The following LRRTM4 variants were observed in gnomAD, a reference collection of about 807,000 sequenced individuals.
The protein encoded by LRRTM4 is leucine rich repeat transmembrane neuronal 4.
A neutral mutation model predicts 47.6 loss-of-function variants in LRRTM4; 25 were observed. The ratio of observed to expected loss-of-function variants is 0.53; its 90% CI spans 0.38 to 0.73. The LOEUF is 0.73. LRRTM4 is among the 30% of genes least tolerant of loss of function. LRRTM4 has a pLI of 0.00. For missense variants in LRRTM4, 638 were observed against 713.4 expected, an observed-to-expected ratio of 0.89 and a Z score of 1.20; for synonymous variants, 311 against 269.5, an observed-to-expected ratio of 1.15 and a Z score of -1.51.
intron 3 of LRRTM4, among the ~76,000 whole-genome samples, chr2:77,469,375 A>AG (rs933946762): frequency 6.7e-5 from 10 of 149,704 alleles, no homozygotes; most frequent in Non-Finnish European, 1.0e-4. Context: ...AGAATGTGTC[A>AG]GGGGGGCAGG....
intron 3 of LRRTM4, among the ~76,000 whole-genome samples, chr2:76,816,734 G>C (rs72815476): frequency 4.7e-5 from 7 of 149,082 alleles, no homozygotes; most frequent in East Asian, 2.0e-4. Flanking sequence ...AAAGCTCCTC[G>C]AGCCTACCTT....
chr2:77,271,319 C>G (rs949433068), intron 3 of LRRTM4, among the ~76,000 whole-genome samples: 15 of 152,162 alleles, frequency 9.9e-5, no homozygotes, highest in African/African-American at 3.6e-4. Flanking sequence ...GCTAATACAC[C>G]ACCATCTATC....
At chr2:77,029,706 G>A (rs542462817) in intron 3 of LRRTM4, among the ~76,000 whole-genome samples, 7 of 152,270 alleles carry the variant, frequency 4.6e-5, no homozygotes, top group Middle Eastern at 3.4e-3. Context: ...ATGGTGATGC[G>A]AATTTCTGAA....
intron 3 of LRRTM4, among the ~76,000 whole-genome samples, chr2:77,317,965 T>C (rs1280681623): frequency 6.6e-6 from 1 of 151,596 alleles, no homozygotes; most frequent in Non-Finnish European, 1.5e-5. Context: ...ATTGTTTTTA[T>C]CTCTAAACCA....
intron 3 of LRRTM4, among the ~76,000 whole-genome samples, chr2:77,513,983 A>T (rs1385196312): frequency 6.6e-6 from 1 of 152,146 alleles, no homozygotes; most frequent in African/African-American, 2.4e-5. Flanking sequence ...GTCGTAAAAA[A>T]ATTTAATTAA....
At chr2:77,027,627 T>C (rs1185540927) in intron 3 of LRRTM4, among the ~76,000 whole-genome samples, 1 of 152,182 alleles carries the variant, frequency 6.6e-6, no homozygotes, top group Non-Finnish European at 1.5e-5. Context: ...CATAATGTGC[T>C]TTCTGAATCA....
intron 3 of LRRTM4, among the ~76,000 whole-genome samples, chr2:76,874,295 C>T (rs1463335063): frequency 6.6e-6 from 1 of 151,944 alleles, no homozygotes; most frequent in East Asian, 1.9e-4. Context: ...CTCCTAGCAC[C>T]TTGCTTTCAC....
chr2:76,875,917 A>G (rs890668156), intron 3 of LRRTM4, among the ~76,000 whole-genome samples: 1 of 152,130 alleles, frequency 6.6e-6, no homozygotes, highest in African/African-American at 2.4e-5. Flanking sequence ...TGTCTTCCAT[A>G]GAGAAGCACC....
intron 3 of LRRTM4, among the ~76,000 whole-genome samples, chr2:77,403,789 G>C (rs1032082598): frequency 6.6e-6 from 1 of 151,206 alleles, no homozygotes; most frequent in Non-Finnish European, 1.5e-5. Flanking sequence ...CCCTGTAATG[G>C]CCAATACTAA....
intron 3 of LRRTM4, among the ~76,000 whole-genome samples, chr2:76,927,122 G>C (rs966779371): frequency 1.3e-5 from 2 of 152,014 alleles, no homozygotes; most frequent in African/African-American, 2.4e-5. Context: ...TCATGCATTT[G>C]GTGTGGATCT....
chr2:76,816,862 T>TG (rs1670916265), intron 3 of LRRTM4, among the ~76,000 whole-genome samples: 9 of 126,432 alleles, frequency 7.1e-5, no homozygotes, highest in Non-Finnish European at 1.3e-4. Flanking sequence ...TTTTTTTTTT[T>TG]GGTGCTTAAG....
At chr2:77,092,909 C>T (rs1200551756) in intron 3 of LRRTM4, among the ~76,000 whole-genome samples, 1 of 147,156 alleles carries the variant, frequency 6.8e-6, no homozygotes, top group Non-Finnish European at 1.5e-5. Context: ...CTTTTAAAAA[C>T]ACACCTCACC....
intron 3 of LRRTM4, among the ~76,000 whole-genome samples, chr2:76,839,556 C>T (rs1179475448): frequency 6.6e-6 from 1 of 151,998 alleles, no homozygotes; most frequent in African/African-American, 2.4e-5. Context: ...AGCCAACCTG[C>T]TAGCTCATTT....
chr2:76,981,406 A>G (rs1278061275), intron 3 of LRRTM4, among the ~76,000 whole-genome samples: 3 of 152,156 alleles, frequency 2.0e-5, no homozygotes, highest in African/African-American at 7.2e-5. Context: ...TACATCTGCC[A>G]TGGCAGAGAC....
At chr2:76,890,792 T>C (rs1673226666) in intron 3 of LRRTM4, among the ~76,000 whole-genome samples, 1 of 151,942 alleles carries the variant, frequency 6.6e-6, no homozygotes, top group South Asian at 2.1e-4. Context: ...GTTTAATTCA[T>C]ACAGAACTAA....
chr2:77,463,801 T>C (rs761453062), intron 3 of LRRTM4, among the ~76,000 whole-genome samples: 1 of 152,120 alleles, frequency 6.6e-6, no homozygotes, highest in Non-Finnish European at 1.5e-5. Context: ...AGTGTTAGCA[T>C]AGCAGGGAAT....
chr2:76,812,687 C>CTTTCTTTCTTTCTTTCTTTCTT (rs1412431217), intron 3 of LRRTM4, among the ~76,000 whole-genome samples: 10 of 150,110 alleles, frequency 6.7e-5, no homozygotes, highest in African/African-American at 1.7e-4. Context: ...TTCTTTCTTT[C>CTTTCTTTCTTTCTTTCTTTCTT]TTTCTTTCTT....
At chr2:77,461,212 CAT>C (rs1676776005) in intron 3 of LRRTM4, among the ~76,000 whole-genome samples, 1 of 151,192 alleles carries the variant, frequency 6.6e-6, no homozygotes, top group Non-Finnish European at 1.5e-5. Flanking sequence ...GACTCAAATA[CAT>C]AGTTATTTTA....
At chr2:77,350,332 CAAAAAAAAAAAAAAAAA>C (rs61365229) in intron 3 of LRRTM4, among the ~76,000 whole-genome samples, 33 of 39,188 alleles carry the variant, frequency 8.4e-4, no homozygotes, top group African/African-American at 2.5e-3. Context: ...GACTCCGTCT[CAAAAAAAAAAAAAAAAA>C]AAAAAAAAAA....
Sources: allele counts gnomAD v4.1 joint callset (sites outside exome capture counted in the v4.1 genomes callset), GRCh38; gene constraint gnomAD v4.1.1; transcripts MANE v1.5; gene names NCBI Gene and HGNC (gene_info 2026-07-23, HGNC 2026-07-21).